Variants in ADGRL3 observed in about 807,000 individuals in gnomAD.
The protein encoded by ADGRL3 is adhesion G protein-coupled receptor L3.
A neutral mutation model predicts 153.5 loss-of-function variants in ADGRL3; 62 were observed. The observed-to-expected ratio is 0.40, with a 90% confidence interval of 0.33 to 0.50. The LOEUF (loss-of-function observed/expected upper bound fraction) is 0.50. Among genes scored for constraint, ADGRL3 ranks in the 20% least tolerant of loss-of-function variants. ADGRL3 has a pLI of 0.47. For synonymous variants in ADGRL3, 710 were observed against 672.5 expected, an observed-to-expected ratio of 1.06 and a Z score of -0.86; for missense variants, 1,641 against 1,859.4, an observed-to-expected ratio of 0.88 and a Z score of 2.16.
intron 1 of ADGRL3, among the ~76,000 whole-genome samples, chr4:61,206,797 C>T (rs1261246831): frequency 6.6e-6 from 1 of 151,988 alleles, no homozygotes; most frequent in East Asian, 1.9e-4. Flanking sequence ...ACCTGACCAA[C>T]ATGGTGAAAC....
intron 1 of ADGRL3, among the ~76,000 whole-genome samples, chr4:61,207,661 A>T (rs1000234851): frequency 1.3e-5 from 2 of 152,184 alleles, no homozygotes; most frequent in Non-Finnish European, 2.9e-5. Context: ...TTACACTCCT[A>T]CCAACAGTGT....
At chr4:61,909,347 G>C (rs2098711182) in intron 11 of ADGRL3, among the ~76,000 whole-genome samples, 1 of 152,138 alleles carries the variant, frequency 6.6e-6, no homozygotes, top group South Asian at 2.1e-4. Flanking sequence ...TCCTCAGGAG[G>C]AGCTTTCTGA....
chr4:61,215,368 G>A (rs12650967), intron 1 of ADGRL3, among the ~76,000 whole-genome samples: 90,772 of 151,624 alleles, frequency 0.6, 27,814 homozygotes, highest in Middle Eastern at 0.68. Context: ...AAATTTAAGT[G>A]CCATTGAAAA....
At chr4:61,446,566 T>G (rs2097584575) in intron 2 of ADGRL3, among the ~76,000 whole-genome samples, 1 of 152,164 alleles carries the variant, frequency 6.6e-6, no homozygotes, top group African/African-American at 2.4e-5. Flanking sequence ...ATACCAACGA[T>G]ACTAGTTAAT....
At chr4:61,616,287 G>A (rs2091994325) in intron 5 of ADGRL3, among the ~76,000 whole-genome samples, 2 of 152,036 alleles carry the variant, frequency 1.3e-5, no homozygotes, top group Non-Finnish European at 2.9e-5. Context: ...AAATATGTAT[G>A]ATAGAAGCCT....
chr4:61,596,850 C>T (rs77492582), intron 5 of ADGRL3, among the ~76,000 whole-genome samples: 1,653 of 151,970 alleles, frequency 0.011, 27 homozygotes, highest in African/African-American at 0.038. Flanking sequence ...AGAGGAATAC[C>T]CTGTCTCAAA....
In ADGRL3 at chr4:61,404,596, G is replaced by T. The variant is rs951733082; in HGVS notation, c.-174+21407G>T. 2.0e-5 allele frequency among the ~76,000 whole-genome samples: 3 copies of T among 152,068 alleles called. No homozygotes were observed. In the East Asian group the frequency reaches 5.8e-4, roughly 29 times the overall value. ...ATTGTGGAGGATACCTCAGGTGGGT[G>T]TGACTGCTGAGAAGTGAGAACACTC... On this transcript the variant is annotated intron_variant, in intron 2 of 26. Transcript: ENST00000683033.
chr4:61,259,884 C>T (rs2092370221), intron 1 of ADGRL3, among the ~76,000 whole-genome samples: 1 of 152,016 alleles, frequency 6.6e-6, no homozygotes, highest in Admixed American at 6.5e-5. Context: ...TTCTCTTTTC[C>T]ACAATTTCAA....
At chr4:61,897,795 A>G (rs1207037243) in intron 11 of ADGRL3, among the ~76,000 whole-genome samples, 1 of 152,098 alleles carries the variant, frequency 6.6e-6, no homozygotes, top group African/African-American at 2.4e-5. Flanking sequence ...CCTGTGTAGT[A>G]CCAGAGTCCA....
At chr4:61,337,487 C>T (rs187722682) in intron 1 of ADGRL3, among the ~76,000 whole-genome samples, 123 of 152,164 alleles carry the variant, frequency 8.1e-4, no homozygotes, top group African/African-American at 2.7e-3. Flanking sequence ...CTCAGCTTTC[C>T]GGCCATTTCC....
At chr4:61,375,892 A>C (rs1165801036) in intron 1 of ADGRL3, among the ~76,000 whole-genome samples, 1 of 152,128 alleles carries the variant, frequency 6.6e-6, no homozygotes, top group African/African-American at 2.4e-5. Context: ...TATGAGTGGT[A>C]GTTTCTCATT....
At chr4:61,640,532 G>A (rs2093618418) in intron 5 of ADGRL3, among the ~76,000 whole-genome samples, 1 of 151,920 alleles carries the variant, frequency 6.6e-6, no homozygotes, top group African/African-American at 2.4e-5. Context: ...TAAGCCTTTT[G>A]ATTTATTTAT....
intron 8 of ADGRL3, among the ~76,000 whole-genome samples, chr4:61,750,520 G>T (rs550593709): frequency 6.6e-5 from 10 of 152,138 alleles, no homozygotes; most frequent in Non-Finnish European, 1.3e-4. Flanking sequence ...GGCCGGGCGC[G>T]GTGGCTCACG....
intron 2 of ADGRL3, among the ~76,000 whole-genome samples, chr4:61,496,723 C>T (rs772931645): frequency 2.6e-5 from 4 of 152,146 alleles, no homozygotes; most frequent in Admixed American, 6.5e-5. Context: ...TGGCGGATCA[C>T]GAGGTCAGGA....
chr4:61,489,067 C>G (rs2098228786), intron 2 of ADGRL3, among the ~76,000 whole-genome samples: 1 of 151,926 alleles, frequency 6.6e-6, no homozygotes, highest in Non-Finnish European at 1.5e-5. Flanking sequence ...AAGAATTTTT[C>G]TCATTAATCG....
At chr4:62,028,753 G>T (rs1560525508) in intron 21 of ADGRL3, 102 bp from the exon 22 acceptor site, 2 of 819,440 alleles carry the variant, frequency 2.4e-6, no homozygotes, top group Non-Finnish European at 2.0e-6. Flanking sequence ...GGAGGTGGGG[G>T]ACAGAGGCCT....
At chr4:61,684,938 G>A (rs1374100617) in intron 6 of ADGRL3, among the ~76,000 whole-genome samples, 3 of 151,150 alleles carry the variant, frequency 2.0e-5, no homozygotes, top group Non-Finnish European at 4.4e-5. Context: ...TTTGAAACAG[G>A]ATCTTGCTCT....
intron 8 of ADGRL3, among the ~76,000 whole-genome samples, chr4:61,787,140 T>G (rs1417846547): frequency 6.6e-6 from 1 of 152,178 alleles, no homozygotes; most frequent in Non-Finnish European, 1.5e-5. Context: ...TTATATTCTA[T>G]AAATGATAAA....
chr4:61,832,302 T>C (rs1016021548), intron 9 of ADGRL3, among the ~76,000 whole-genome samples: 6 of 152,218 alleles, frequency 3.9e-5, no homozygotes, highest in African/African-American at 1.4e-4. Flanking sequence ...TTATGACTTA[T>C]TGTGCAGATG....
Sources: allele counts gnomAD v4.1 joint callset (sites outside exome capture counted in the v4.1 genomes callset), GRCh38; gene constraint gnomAD v4.1.1; transcripts MANE v1.5; gene names NCBI Gene and HGNC (gene_info 2026-07-23, HGNC 2026-07-21).